Variants in PABPC4L observed in about 807,000 individuals in gnomAD.
The protein encoded by PABPC4L is polyadenylate-binding protein 4-like.
For missense variants in PABPC4L, 452 were observed against 451.4 expected, an observed-to-expected ratio of 1.00 and a Z score of -0.01; for synonymous variants, 169 against 164.1, an observed-to-expected ratio of 1.03 and a Z score of -0.23.
chr4:134,072,395 T>G, the PABPC4L span, among the ~76,000 whole-genome samples: 4 of 152,194 alleles, frequency 2.6e-5, no homozygotes, highest in Non-Finnish European at 4.4e-5. Context: ...AGCAGTAGAC[T>G]AAGTGTTCAC....
At chr4:134,073,389 T>G in the PABPC4L span, among the ~76,000 whole-genome samples, 1 of 152,234 alleles carries the variant, frequency 6.6e-6, no homozygotes, top group Non-Finnish European at 1.5e-5. Flanking sequence ...GTCACGCTGA[T>G]GGAAGTAGGC....
the PABPC4L span, among the ~76,000 whole-genome samples, chr4:133,948,916 G>T: frequency 6.6e-6 from 1 of 152,180 alleles, no homozygotes. Context: ...GTTGAAGGAA[G>T]TCATGGGACT....
At chr4:133,999,710 A>C in the PABPC4L span, among the ~76,000 whole-genome samples, 2 of 152,142 alleles carry the variant, frequency 1.3e-5, no homozygotes, top group South Asian at 4.1e-4. Context: ...GAGTACAGGA[A>C]AATAAAGGCT....
the PABPC4L span, among the ~76,000 whole-genome samples, chr4:134,173,159 C>CAAAAAAAAAAAA: frequency 1.3e-5 from 1 of 78,004 alleles, no homozygotes; most frequent in East Asian, 3.6e-4. Flanking sequence ...GGAGATTCCT[C>CAAAAAAAAAAAA]AAAAAAAAAA....
chr4:134,112,531 C>T, the PABPC4L span, among the ~76,000 whole-genome samples: 1 of 151,774 alleles, frequency 6.6e-6, no homozygotes, highest in Non-Finnish European at 1.5e-5. Flanking sequence ...CTGCAAAAAA[C>T]AACTGGATCC....
chr4:134,101,932 T>C, the PABPC4L span, among the ~76,000 whole-genome samples: 2 of 151,574 alleles, frequency 1.3e-5, no homozygotes, highest in East Asian at 1.9e-4. Flanking sequence ...ACTTAGAATA[T>C]GTCACCATAT....
chr4:134,081,771 A>ACCTGAATAACTTAGAAAAACCTGAAT, the PABPC4L span, among the ~76,000 whole-genome samples: 3 of 152,120 alleles, frequency 2.0e-5, no homozygotes, highest in East Asian at 5.8e-4. Flanking sequence ...AAACACAAAT[A>ACCTGAATAACTTAGAAAAACCTGAAT]AACTTAGAAA....
At chr4:133,954,745 C>T in the PABPC4L span, among the ~76,000 whole-genome samples, 1 of 152,064 alleles carries the variant, frequency 6.6e-6, no homozygotes, top group Non-Finnish European at 1.5e-5. Context: ...TGCTTTAAAA[C>T]ATATAAATAG....
the PABPC4L span, among the ~76,000 whole-genome samples, chr4:133,951,009 G>A: frequency 3.3e-5 from 5 of 152,184 alleles, no homozygotes; most frequent in Non-Finnish European, 7.3e-5. Flanking sequence ...TTTAGGGACT[G>A]GTTAAGAGCA....
the PABPC4L span, among the ~76,000 whole-genome samples, chr4:134,002,762 AC>A: frequency 2.0e-5 from 3 of 152,024 alleles, no homozygotes; most frequent in Admixed American, 6.6e-5. Context: ...CAATTACACA[AC>A]AAGAGAAATC....
the PABPC4L span, among the ~76,000 whole-genome samples, chr4:134,142,998 A>G: frequency 2.0e-5 from 3 of 151,588 alleles, no homozygotes; most frequent in East Asian, 3.9e-4. Context: ...TCAATTTGAC[A>G]TAATTTTTTG....
At chr4:134,101,333 T>G in the PABPC4L span, among the ~76,000 whole-genome samples, 1 of 151,530 alleles carries the variant, frequency 6.6e-6, no homozygotes, top group African/African-American at 2.4e-5. Context: ...ATACTCAGAT[T>G]TGATCTTACT....
the PABPC4L span, among the ~76,000 whole-genome samples, chr4:133,958,975 A>T: frequency 6.6e-6 from 1 of 152,352 alleles, no homozygotes; most frequent in African/African-American, 2.4e-5. Flanking sequence ...TTGTCCAATC[A>T]TACTTCTTCA....
chr4:134,194,791 A>C (rs1366973286), downstream of PABPC4L, among the ~76,000 whole-genome samples: 1 of 151,768 alleles, frequency 6.6e-6, no homozygotes, highest in Non-Finnish European at 1.5e-5. Context: ...ATTAATTTCC[A>C]GTATATTGAC....
At chr4:134,017,487 T>G in the PABPC4L span, among the ~76,000 whole-genome samples, 1 of 152,172 alleles carries the variant, frequency 6.6e-6, no homozygotes, top group Non-Finnish European at 1.5e-5. Context: ...TTGTTTACAC[T>G]GCCGGTTTAC....
chr4:133,960,729 T>G, the PABPC4L span, among the ~76,000 whole-genome samples: 1 of 152,008 alleles, frequency 6.6e-6, no homozygotes, highest in Non-Finnish European at 1.5e-5. Context: ...AGGGGGAGCA[T>G]GATGGGAGTG....
chr4:134,140,866 G>A, the PABPC4L span, among the ~76,000 whole-genome samples: 1 of 151,512 alleles, frequency 6.6e-6, no homozygotes, highest in African/African-American at 2.4e-5. Flanking sequence ...AATAAAATAA[G>A]TCCTTAGGGA....
the PABPC4L span, among the ~76,000 whole-genome samples, chr4:134,063,225 G>A: frequency 6.6e-6 from 1 of 152,070 alleles, no homozygotes; most frequent in East Asian, 1.9e-4. Flanking sequence ...AAAGCTGTGT[G>A]AGAAATGCCA....
chr4:134,029,982 G>C, the PABPC4L span, among the ~76,000 whole-genome samples: 1 of 151,932 alleles, frequency 6.6e-6, no homozygotes, highest in African/African-American at 2.4e-5. Flanking sequence ...TTTCCCCTTT[G>C]GCTCAACTCT....
Sources: allele counts gnomAD v4.1 joint callset (sites outside exome capture counted in the v4.1 genomes callset), GRCh38; gene constraint gnomAD v4.1.1; transcripts MANE v1.5; gene names NCBI Gene and HGNC (gene_info 2026-07-23, HGNC 2026-07-21).